PALB2: variants seen among roughly 807,000 people sequenced by gnomAD.
PALB2 encodes partner and localizer of BRCA2.
PALB2 carries 82 observed loss-of-function variants against 107.4 expected under a neutral mutation model. The observed-to-expected ratio is 0.76, with a 90% CI of 0.64 to 0.92. The LOEUF is 0.92. Among genes scored for constraint, PALB2 ranks in the 40% least tolerant of loss-of-function variants. The probability of loss-of-function intolerance (pLI) is 0.00; values close to 1 mark genes in which losing one functional copy is unlikely to be tolerated. For missense variants in PALB2, 1,374 were observed against 1,379.9 expected (o/e 1.00, Z 0.07); for synonymous variants, 489 against 496.8 (o/e 0.98, Z 0.21).
chr16:23,616,309 A>G (rs1445115309), intron 10 of PALB2, among the ~76,000 whole-genome samples: 1 of 152,182 alleles, frequency 6.6e-6, no homozygotes, highest in East Asian at 1.9e-4. Flanking sequence ...TACTGGCAAT[A>G]CTGTATCATG....
At chr16:23,638,514 G>A (rs1299336576) in intron 1 of PALB2, 1 of 462,980 alleles carries the variant, frequency 2.2e-6, no homozygotes, top group South Asian at 1.6e-5. Flanking sequence ...ATCCTTGAAG[G>A]TAGCAGGAAC....
intron 6 of PALB2, 75 bp from the exon 7 acceptor site, chr16:23,626,472 A>T: frequency 6.5e-7 from 1 of 1,531,390 alleles, no homozygotes; most frequent in Non-Finnish European, 9.0e-7. Flanking sequence ...ATGCAAAGTG[A>T]TGAATTATAA....
Position 23,608,057 on chromosome 16 carries a change from T to C in PALB2, c.3202-45A>G, listed in dbSNP as rs370826543. 33 of 1,587,370 alleles carry C rather than the reference T, an allele frequency of 2.1e-5. No homozygotes were observed. The highest frequency in any genetic ancestry group is 2.6e-5 in the Non-Finnish European group (30 of 1,156,526). On this transcript the variant is annotated intron_variant, in intron 11 of 12. Transcript: ENST00000261584. ...AATATCCCAAATAGACTGTCAAGAG[T>C]ATGTCAGGAAAAATAAAGATCTGGC...
At chr16:23,627,493 CAAAAAAAA>C (rs749429582) in intron 6 of PALB2, among the ~76,000 whole-genome samples, 4 of 54,714 alleles carry the variant, frequency 7.3e-5, no homozygotes, top group African/African-American at 2.1e-4. Flanking sequence ...GACTCCGTCT[CAAAAAAAA>C]AAAAAAAAAA....
rs1555459553 is a variant in PALB2 at position 23,623,049 on chromosome 16, CA to C, written c.2915del (p.Leu972ArgfsTer6). ...TGCTACTAACTAGCCTCCTCTTTGT[CA>C]GGCCAAGCACAGCTTTTATATTTCC... is the stretch of plus-strand genomic sequence containing the variant. ...KSGNIKAVLG[L>X]TKRRLVSSSG... On this transcript the variant is annotated frameshift_variant, in exon 9 of 13. Coordinates refer to ENST00000261584, the MANE Select transcript of PALB2 (RefSeq NM_024675.4). LOFTEE classifies it high-confidence loss of function. The C allele has an allele frequency of 1.9e-6, 3 of 1,614,128 alleles. No homozygotes were observed. Among genetic ancestry groups the C allele is most frequent in the Non-Finnish European group, 2.5e-6 (3 of 1,179,996 alleles).
chr16:23,619,051 TA>T (rs900638461), intron 10 of PALB2, among the ~76,000 whole-genome samples: 2 of 150,914 alleles, frequency 1.3e-5, no homozygotes, highest in Non-Finnish European at 3.0e-5. Context: ...CCATAGTGTT[TA>T]AAAAAAAGAA....
intron 7 of PALB2, among the ~76,000 whole-genome samples, chr16:23,624,802 C>T (rs1039789008): frequency 1.3e-5 from 2 of 152,154 alleles, no homozygotes; most frequent in Non-Finnish European, 2.9e-5. Flanking sequence ...TGAGCCACCT[C>T]GCCTGGCCAG....
At chr16:23,640,396 C>G (rs1173860170) in intron 1 of PALB2, 1 of 201,286 alleles carries the variant, frequency 5.0e-6, no homozygotes, top group Non-Finnish European at 1.0e-5. Flanking sequence ...CCCAGCTACT[C>G]GGGAGGCTGA....
At chr16:23,614,947 G>A (rs1966658354) in intron 10 of PALB2, among the ~76,000 whole-genome samples, 1 of 128,896 alleles carries the variant, frequency 7.8e-6, no homozygotes, top group Non-Finnish European at 1.6e-5. Flanking sequence ...ACCGCGCCTG[G>A]CCTTTTTTTT....
At chr16:23,622,387 TTGTG>T (rs142078087) in intron 9 of PALB2, among the ~76,000 whole-genome samples, 7 of 148,822 alleles carry the variant, frequency 4.7e-5, no homozygotes, top group East Asian at 2.0e-4. Flanking sequence ...TTAAAAATAT[TTGTG>T]TGTGTGTGTG....
chr16:23,640,936 C>T (rs1363741664), intron 1 of PALB2, 174 bp downstream of exon 1: 2 of 696,736 alleles, frequency 2.9e-6, no homozygotes, highest in African/African-American at 3.6e-5. Context: ...AACGCCACCA[C>T]GTGAGCACCA....
At chr16:23,627,349 C>T (rs71539274) in intron 6 of PALB2, among the ~76,000 whole-genome samples, 2 of 151,396 alleles carry the variant, frequency 1.3e-5, no homozygotes, top group Admixed American at 6.6e-5. Context: ...TAGCTGGGCG[C>T]GGTGGCGGGC....
At chr16:23,613,132 C>T (rs1474396850) in intron 11 of PALB2, among the ~76,000 whole-genome samples, 1 of 152,002 alleles carries the variant, frequency 6.6e-6, no homozygotes, top group East Asian at 1.9e-4. Context: ...CCCATCACCT[C>T]GAGAATCTAT....
intron 6 of PALB2, 130 bp from the exon 7 acceptor site, chr16:23,626,527 G>A (rs1403059196): frequency 2.9e-6 from 3 of 1,022,512 alleles, no homozygotes; most frequent in Non-Finnish European, 4.4e-6. Context: ...TTATGCAGGT[G>A]AAAAGAAAGA....
At chr16:23,609,095 G>A (rs1276728287) in intron 11 of PALB2, among the ~76,000 whole-genome samples, 5 of 152,072 alleles carry the variant, frequency 3.3e-5, no homozygotes, top group East Asian at 3.9e-4. Context: ...CAAAGGGCCG[G>A]GATTATAGGC....
rs777244673 is a variant in PALB2 at position 23,623,001 on chromosome 16, T to C, written c.2964A>G (p.Gln988=). Residue 988 remains glutamine, a synonymous_variant, in exon 9 of 13, where the codon CAA becomes CAG. Transcript: ENST00000261584. The part of the protein sequence containing the change: ...VSSSGTLSDQ[Q]VEVMTFAEDG... ...CTTCTGCAAACGTCATGACTTCTAC[T>C]TGTTGATCAGAAAGGGTCCCACTGC... The C allele has an allele frequency of 3.7e-6, 6 of 1,614,180 alleles. No homozygotes were observed. Among genetic ancestry groups the C allele is most frequent in the Non-Finnish European group, 5.1e-6 (6 of 1,180,036 alleles).
In PALB2 at chr16:23,612,809, A is replaced by G. The variant is rs140275986; in HGVS notation, c.3201+1195T>C. ...GCTCTGTCGCCCAGGCTGGAGTGCA[A>G]TCGTGCAATCTCGGCTCACTGCAAC... is the stretch of plus-strand genomic sequence containing the variant. On this transcript the variant is annotated intron_variant, in intron 11 of 12. Transcript: ENST00000261584. Among the ~76,000 whole-genome samples, 9 of 151,258 alleles carry G rather than the reference A, an allele frequency of 6.0e-5. No individual in the cohort carries two copies. In the East Asian group the frequency reaches 7.9e-4, roughly 13 times the overall value.
intron 1 of PALB2, chr16:23,638,580 G>GT (rs1967124315): frequency 2.2e-6 from 1 of 456,082 alleles, no homozygotes; most frequent in Non-Finnish European, 4.4e-6. Flanking sequence ...AATGGTCCAG[G>GT]TATCTCTAGT....
At chr16:23,618,263 G>C (rs1966717502) in intron 10 of PALB2, among the ~76,000 whole-genome samples, 1 of 152,000 alleles carries the variant, frequency 6.6e-6, no homozygotes, top group African/African-American at 2.4e-5. Context: ...AAAATGCAGT[G>C]AGTCATGCCC....
Sources: allele counts gnomAD v4.1 joint callset (sites outside exome capture counted in the v4.1 genomes callset), GRCh38; gene constraint gnomAD v4.1.1; transcripts MANE v1.5; gene names NCBI Gene and HGNC (gene_info 2026-07-23, HGNC 2026-07-21).